The following MIA2 variants were observed in gnomAD, a reference collection of about 807,000 sequenced individuals.
MIA2 encodes melanoma inhibitory activity protein 2.
In MIA2, 127 loss-of-function variants were observed where a neutral mutation model predicts 167.8. The ratio of observed to expected loss-of-function variants is 0.76; its 90% confidence interval spans 0.66 to 0.88. The LOEUF is 0.88. MIA2 is among the 40% of genes least tolerant of loss of function. The probability of loss-of-function intolerance (pLI) is 0.00; values close to 1 mark genes in which losing one functional copy is unlikely to be tolerated. For synonymous variants in MIA2, 552 were observed against 541.9 expected (o/e 1.02, Z -0.26); for missense variants, 1,690 against 1,624.7 (o/e 1.04, Z -0.69).
In MIA2 at chr14:39,350,215, C is replaced by T. The variant is rs892025318; in HGVS notation, c.4190C>T (p.Pro1397Leu). Residue 1397 changes from proline (P) to leucine (L), a missense_variant, in exon 29 of 29, where the codon CCT becomes CTT. Physicochemically the swap from Pro to Leu is moderately conservative, Grantham distance 98. Coordinates refer to ENST00000640607, the MANE Select transcript of MIA2 (RefSeq NM_001329214.4). ...RSEFPSGLIP[P>L]SNEPATEHPE... ...GAGTTCCCCTCAGGTTTGATTCCACCTTCAAATGAGCCTGCTACTGAACAT... is the reference window on the plus strand; with the variant it reads ...GAGTTCCCCTCAGGTTTGATTCCACTTTCAAATGAGCCTGCTACTGAACAT... 8 of 1,525,200 alleles carry T rather than the reference C, an allele frequency of 5.2e-6. No homozygotes were observed. The highest frequency in any genetic ancestry group is 7.1e-6 in the Non-Finnish European group (8 of 1,134,236). The allele number at this position is 1,525,200 out of a possible 1,614,324, so 94.5% of individuals were successfully genotyped here. A position where few individuals can be genotyped will look rare whatever the true frequency, so the allele number is the denominator to read the frequency against.
chr14:39,317,843 A>T (rs566782941), intron 21 of MIA2, 101 bp from the exon 22 acceptor site: 11 of 688,294 alleles, frequency 1.6e-5, no homozygotes, highest in Non-Finnish European at 2.3e-5. Context: ...TGTGATATAT[A>T]TATATTTTTA....
intron 23 of MIA2, among the ~76,000 whole-genome samples, chr14:39,380,265 CAG>C (rs1176150140): frequency 1.3e-5 from 2 of 152,092 alleles, no homozygotes; most frequent in African/African-American, 4.8e-5. Context: ...AAGCTGAAAA[CAG>C]AGAGACACAA....
chr14:39,380,630 T>A (rs1283054930), intron 23 of MIA2, among the ~76,000 whole-genome samples: 3 of 145,108 alleles, frequency 2.1e-5, no homozygotes, highest in Non-Finnish European at 1.5e-5. Context: ...GAGGCGGAGG[T>A]TGCAGTGAGC....
intron 3 of MIA2, among the ~76,000 whole-genome samples, chr14:39,245,022 C>T (rs569338245): frequency 1.3e-5 from 2 of 151,956 alleles, no homozygotes; most frequent in South Asian, 4.2e-4. Context: ...AAGCAGTCTG[C>T]CCACCTCAGC....
rs769036988 is a variant in MIA2, at chr14:39,343,775, CTTA to C, written c.3656-2124_3656-2122del. 1.1e-4 allele frequency among the ~76,000 whole-genome samples: 16 copies of C among 152,080 alleles called. No homozygotes were observed. In the East Asian group the frequency reaches 2.1e-3, roughly 20 times the overall value. ...TCATATGCTTTCCACATAGCTGTAT[CTTA>C]TTATGTGTATATGTGTATGTGTATA... is the stretch of plus-strand genomic sequence containing the variant. On this transcript the variant is annotated intron_variant, in intron 25 of 28. Coordinates refer to ENST00000640607, the MANE Select transcript of MIA2 (RefSeq NM_001329214.4).
chr14:39,287,119 G>A (rs2059931500), intron 9 of MIA2, among the ~76,000 whole-genome samples: 1 of 148,738 alleles, frequency 6.7e-6, no homozygotes, highest in Admixed American at 6.6e-5. Context: ...TGTTGCCCAG[G>A]CTGGAGTGCA....
intron 23 of MIA2, among the ~76,000 whole-genome samples, chr14:39,374,110 T>G (rs8010826): frequency 6.6e-6 from 1 of 152,212 alleles, no homozygotes; most frequent in Non-Finnish European, 1.5e-5. Context: ...GGACAGAAGA[T>G]AGAATGAAAA....
intron 22 of MIA2, among the ~76,000 whole-genome samples, chr14:39,318,529 T>C (rs560363633): frequency 2.6e-5 from 4 of 152,190 alleles, no homozygotes; most frequent in African/African-American, 7.2e-5. Context: ...TAGAGTGTTA[T>C]AATTTCTTGT....
At chr14:39,261,422 C>G in intron 6 of MIA2, among the ~76,000 whole-genome samples, 1 of 152,112 alleles carries the variant, frequency 6.6e-6, no homozygotes, top group Non-Finnish European at 1.5e-5. Context: ...CAAGTCTTTG[C>G]TAATGTGAAT....
intron 23 of MIA2, among the ~76,000 whole-genome samples, chr14:39,376,545 A>G (rs2075049692): frequency 6.6e-6 from 1 of 152,258 alleles, no homozygotes; most frequent in Non-Finnish European, 1.5e-5. Context: ...TAACTGAAAC[A>G]TAAGAGAATG....
intron 25 of MIA2, among the ~76,000 whole-genome samples, chr14:39,345,165 G>T (rs2072951059): frequency 6.6e-6 from 1 of 152,026 alleles, no homozygotes; most frequent in African/African-American, 2.4e-5. Context: ...TGCAACCTCT[G>T]CCCCACTGGG....
intron 7 of MIA2, 71 bp downstream of exon 7, chr14:39,277,136 T>C (rs1009142674): frequency 1.2e-5 from 18 of 1,514,696 alleles, no homozygotes; most frequent in Non-Finnish European, 1.5e-5. Flanking sequence ...ATGAGAAACA[T>C]ATTTGTTATT....
In MIA2 at chr14:39,350,149, C is replaced by G; in HGVS notation, c.4124C>G (p.Pro1375Arg). The change falls in exon 29 of 29, where the codon CCT becomes CGT. Residue 1375 changes from proline to arginine, a missense_variant. Coordinates refer to ENST00000640607, the MANE Select transcript of MIA2 (RefSeq NM_001329214.4). ...RGFPPYLPPR[P>R]GFFPPPPHSE... ...TTTCCTCCTTACCTTCCCCCAAGAC[C>G]TGGATTTTTCCCCCCACCCCCACAT... The G allele has an allele frequency of 5.7e-6, 8 of 1,406,158 alleles. No individual in the cohort carries two copies. The highest frequency in any genetic ancestry group is 7.8e-6 in the Non-Finnish European group (8 of 1,026,938). 87.1% of individuals were successfully genotyped at this position (1,406,158 alleles called of 1,614,324 possible). A position where few individuals can be genotyped will look rare whatever the true frequency, so the allele number is the denominator to read the frequency against.
chr14:39,379,043 G>C (rs2075100854), intron 23 of MIA2, among the ~76,000 whole-genome samples: 1 of 152,006 alleles, frequency 6.6e-6, no homozygotes, highest in African/African-American at 2.4e-5. Context: ...ACAGCATAAG[G>C]CCAATTAAAC....
chr14:39,345,353 T>G (rs553326794), intron 25 of MIA2, among the ~76,000 whole-genome samples: 1 of 152,250 alleles, frequency 6.6e-6, no homozygotes, highest in South Asian at 2.1e-4. Context: ...GTATTACAGG[T>G]GTGAGCCACC....
chr14:39,283,790 A>G (rs947858090), intron 9 of MIA2, among the ~76,000 whole-genome samples: 2 of 152,086 alleles, frequency 1.3e-5, no homozygotes, highest in Non-Finnish European at 2.9e-5. Context: ...CCTGTTGGCC[A>G]TTTTTATGTC....
chr14:39,294,379 G>C (rs946481529), intron 12 of MIA2, among the ~76,000 whole-genome samples: 3 of 151,580 alleles, frequency 2.0e-5, no homozygotes, highest in African/African-American at 7.3e-5. Context: ...TGTATTTTTA[G>C]TAGAGGCAGG....
chr14:39,344,828 C>G (rs1190466232), intron 25 of MIA2, among the ~76,000 whole-genome samples: 2 of 152,130 alleles, frequency 1.3e-5, no homozygotes, highest in Non-Finnish European at 2.9e-5. Context: ...TGAGAAACTA[C>G]CTATACTTTT....
intron 3 of MIA2, among the ~76,000 whole-genome samples, chr14:39,246,098 A>ATTTATTTC (rs1465982605): frequency 6.7e-6 from 1 of 150,238 alleles, no homozygotes; most frequent in African/African-American, 2.4e-5. Flanking sequence ...TTATTTATTT[A>ATTTATTTC]TTTATTTATT....
Sources: gnomAD v4.1 joint callset for allele counts (sites outside exome capture counted in the v4.1 genomes callset) on GRCh38, gnomAD v4.1.1 for gene constraint, MANE v1.5 for transcripts, NCBI Gene and HGNC (gene_info 2026-07-23, HGNC 2026-07-21) for gene names.